TAFA1: variants seen among roughly 807,000 people sequenced by gnomAD.
The protein encoded by TAFA1 is TAFA chemokine like family member 1.
In TAFA1, 4 loss-of-function variants were observed where a neutral mutation model predicts 18.5. That is an observed-to-expected ratio of 0.22 (90% confidence interval 0.11 to 0.49). TAFA1 has a LOEUF of 0.49. TAFA1 is among the 20% of genes least tolerant of loss of function. The pLI is 0.98. For missense variants in TAFA1, 147 were observed against 169.0 expected (o/e 0.87, Z 0.72); for synonymous variants, 56 against 55.2 (o/e 1.01, Z -0.06).
chr3:68,301,000 A>C (rs72626940), intron 2 of TAFA1, among the ~76,000 whole-genome samples: 4,019 of 152,314 alleles, frequency 0.026, 90 homozygotes, highest in East Asian at 0.096. Context: ...AGACTAATAT[A>C]ATAGGTCTAT....
intron 2 of TAFA1, among the ~76,000 whole-genome samples, chr3:68,212,637 C>A (rs775840467): frequency 4.5e-4 from 68 of 151,988 alleles, no homozygotes; most frequent in Non-Finnish European, 8.5e-4. Context: ...TACATTTTCT[C>A]AGCTTTTATC....
At chr3:68,431,935 T>C (rs1320978482) in intron 3 of TAFA1, among the ~76,000 whole-genome samples, 1 of 151,962 alleles carries the variant, frequency 6.6e-6, no homozygotes, top group African/African-American at 2.4e-5. Flanking sequence ...CAAGTAAGCG[T>C]GAGGAACATG....
chr3:68,542,503 C>G (rs2073393624), intron 4 of TAFA1, among the ~76,000 whole-genome samples: 1 of 152,078 alleles, frequency 6.6e-6, no homozygotes, highest in African/African-American at 2.4e-5. Context: ...AGATACATGT[C>G]TATACCTTTT....
intron 2 of TAFA1, chr3:68,145,206 A>G (rs1575643245): frequency 1.2e-6 from 1 of 802,780 alleles, no homozygotes; most frequent in East Asian, 2.4e-5. Context: ...AAATCTGCAA[A>G]TTCTGAACTT....
At position 68,164,630 on chromosome 3, in the gene TAFA1, C is replaced by CGTGTGTGTGTGTGTGT. The variant is rs1306831109; in HGVS notation, c.118+157902_118+157917dup. Among the ~76,000 whole-genome samples the CGTGTGTGTGTGTGTGT allele has an allele frequency of 8.9e-5, 13 of 146,718 alleles. No homozygotes were observed. In the South Asian group the frequency reaches 1.8e-3, roughly 20 times the overall value. ...TCTACCACATTTGTTCCTTTTGCAA[C>CGTGTGTGTGTGTGTGT]GTGTGTGTGTGTGTGTGTGTGTGTG... On this transcript the variant is annotated intron_variant, in intron 2 of 4. Coordinates refer to ENST00000478136, the MANE Select transcript of TAFA1 (RefSeq NM_213609.4).
intron 2 of TAFA1, among the ~76,000 whole-genome samples, chr3:68,235,915 T>C (rs1359851734): frequency 6.6e-6 from 1 of 152,138 alleles, no homozygotes; most frequent in Non-Finnish European, 1.5e-5. Context: ...AAAGGTTGAG[T>C]ATCTACGTGG....
chr3:68,161,616 C>T (rs1416561398), intron 2 of TAFA1, among the ~76,000 whole-genome samples: 1 of 152,066 alleles, frequency 6.6e-6, no homozygotes, highest in Non-Finnish European at 1.5e-5. Flanking sequence ...TTAAGGTAGG[C>T]AGGATAGTAG....
intron 3 of TAFA1, among the ~76,000 whole-genome samples, chr3:68,528,284 A>G (rs2073136208): frequency 6.6e-6 from 1 of 152,192 alleles, no homozygotes; most frequent in Admixed American, 6.5e-5. Flanking sequence ...CAACTGAGAA[A>G]ACTTAATCTT....
intron 2 of TAFA1, among the ~76,000 whole-genome samples, chr3:68,204,527 A>C (rs1023744952): frequency 2.6e-5 from 4 of 151,826 alleles, no homozygotes; most frequent in African/African-American, 7.2e-5. Context: ...GAGGGAGGGA[A>C]GGGATTTTTT....
intron 2 of TAFA1, among the ~76,000 whole-genome samples, chr3:68,034,130 C>T (rs1704995753): frequency 6.6e-6 from 1 of 152,176 alleles, no homozygotes; most frequent in Non-Finnish European, 1.5e-5. Context: ...GTGTCCATGA[C>T]CTAAATTATA....
intron 2 of TAFA1, among the ~76,000 whole-genome samples, chr3:68,222,927 C>G (rs1451017699): frequency 1.3e-5 from 2 of 152,106 alleles, no homozygotes; most frequent in Admixed American, 6.5e-5. Context: ...CCCACCTTAG[C>G]CTCCCAAAGT....
At chr3:68,120,238 TTTC>T (rs2065380873) in intron 2 of TAFA1, among the ~76,000 whole-genome samples, 3 of 134,380 alleles carry the variant, frequency 2.2e-5, no homozygotes, top group African/African-American at 9.3e-5. Context: ...TCTTTCTTTC[TTTC>T]TTTCTTTCTT....
intron 2 of TAFA1, among the ~76,000 whole-genome samples, chr3:68,126,643 G>A (rs1287857047): frequency 6.6e-6 from 1 of 152,202 alleles, no homozygotes; most frequent in African/African-American, 2.4e-5. Context: ...TGAACTATTT[G>A]GTACACACCT....
chr3:68,173,011 TA>T (rs2066076947), intron 2 of TAFA1, among the ~76,000 whole-genome samples: 1 of 152,134 alleles, frequency 6.6e-6, no homozygotes, highest in African/African-American at 2.4e-5. Context: ...ATGAGGGTAT[TA>T]TTTTTAGGGA....
intron 2 of TAFA1, among the ~76,000 whole-genome samples, chr3:68,270,267 G>A (rs1023277304): frequency 6.6e-6 from 1 of 152,144 alleles, no homozygotes; most frequent in Non-Finnish European, 1.5e-5. Context: ...TGGGTACTCA[G>A]TGGGGTTGTG....
chr3:68,021,956 T>G (rs1354760090), intron 2 of TAFA1, among the ~76,000 whole-genome samples: 1 of 152,168 alleles, frequency 6.6e-6, no homozygotes, highest in Non-Finnish European at 1.5e-5. Context: ...TATTATCTCT[T>G]TTTTACTGTC....
chr3:68,272,344 C>G (rs955765714), intron 2 of TAFA1, among the ~76,000 whole-genome samples: 1 of 152,160 alleles, frequency 6.6e-6, no homozygotes, highest in Non-Finnish European at 1.5e-5. Context: ...CTTAGCTTGT[C>G]AAACCCAAGC....
At chr3:68,312,030 T>C (rs2068529252) in intron 2 of TAFA1, among the ~76,000 whole-genome samples, 1 of 152,196 alleles carries the variant, frequency 6.6e-6, no homozygotes, top group Non-Finnish European at 1.5e-5. Flanking sequence ...CTCAACACCG[T>C]GTGGAAGCTG....
intron 2 of TAFA1, among the ~76,000 whole-genome samples, chr3:68,092,626 T>C (rs2065042793): frequency 6.6e-6 from 1 of 152,168 alleles, no homozygotes; most frequent in South Asian, 2.1e-4. Flanking sequence ...AAATCTTTCA[T>C]GGGGCTTATT....
Sources: gnomAD v4.1 joint callset for allele counts (sites outside exome capture counted in the v4.1 genomes callset) on GRCh38, gnomAD v4.1.1 for gene constraint, MANE v1.5 for transcripts, NCBI Gene and HGNC (gene_info 2026-07-23, HGNC 2026-07-21) for gene names.